REXO1: variants seen among roughly 807,000 people sequenced by gnomAD.
The protein encoded by REXO1 is REX1, RNA exonuclease 1 homolog.
REXO1 carries 42 observed loss-of-function variants against 102.6 expected under a neutral mutation model. The observed-to-expected ratio is 0.41, with a 90% CI of 0.32 to 0.53. The LOEUF (loss-of-function observed/expected upper bound fraction) is 0.53. Ranked by LOEUF, REXO1 falls within the 20% of genes least tolerant of loss-of-function variation. The pLI, the probability that REXO1 is intolerant of heterozygous loss-of-function variation, is 0.27. For synonymous variants in REXO1, 908 were observed against 779.1 expected, an observed-to-expected ratio of 1.17 and a Z score of -2.76; for missense variants, 1,819 against 1,732.5, an observed-to-expected ratio of 1.05 and a Z score of -0.89.
chr19:1,823,034 G>A lies in REXO1; in HGVS notation c.2230+538C>T, dbSNP rs149566385. ...CTACAGACACCACTGATGTGAAGAC[G>A]CAGGAGACAGGACAACCCCCCGTGA... is the stretch of plus-strand genomic sequence containing the variant. On this transcript the variant is annotated intron_variant, in intron 4 of 15. Coordinates refer to ENST00000170168, the MANE Select transcript of REXO1 (RefSeq NM_020695.4). 444 of 153,208 alleles carry A rather than the reference G, an allele frequency of 2.9e-3. 2 individuals carry two copies. Among genetic ancestry groups the A allele is most frequent in the Non-Finnish European group, 4.1e-3 (280 of 68,748 alleles). The allele number at this position is 153,208 out of a possible 1,614,324, so 9.5% of individuals were successfully genotyped here.
rs952093097 is a variant in REXO1, at chr19:1,828,042, G to A, written c.747C>T (p.Ser249=). ...GCTTGGCGGCCCGCTCATCCCGGGA[G>A]CTGGCCCTGCTGAGGTGCCGGGCCG... ...NYSARHLSRA[S]SRDERAAKRP... is the part of the protein sequence containing the mutation. The change falls in exon 2 of 16, where the codon AGC becomes AGT. Residue 249 remains serine, a synonymous_variant. Coordinates refer to ENST00000170168, the MANE Select transcript of REXO1 (RefSeq NM_020695.4). 2 of 1,612,818 alleles carry A rather than the reference G, an allele frequency of 1.2e-6. No homozygotes were observed. The highest frequency in any genetic ancestry group is 2.7e-5 in the African/African-American group (2 of 74,918).
Position 1,815,577 on chromosome 19 carries a change from A to G in REXO1, c.*489T>C. ...GTCCCACCCCCACCCCGCAGGAGGG[A>G]AGGCAGCAGGCCCGCTCTTCCCGGT... On this transcript the variant is annotated 3_prime_UTR_variant, in exon 16 of 16. Transcript: ENST00000170168. The surrounding 1 kb of genome is among the most constrained non-coding windows in gnomAD (Gnocchi z 4.0). 4.8e-6 allele frequency: 3 copies of G among 630,234 alleles called. No homozygotes were observed. Among genetic ancestry groups the G allele is most frequent in the Non-Finnish European group, 6.6e-6 (3 of 451,792 alleles). 39.0% of individuals were successfully genotyped at this position (630,234 alleles called of 1,614,324 possible).
chr19:1,837,853 G>A (rs1323655882), intron 1 of REXO1, among the ~76,000 whole-genome samples: 2 of 152,210 alleles, frequency 1.3e-5, no homozygotes, highest in Non-Finnish European at 2.9e-5. Flanking sequence ...CCTGACCGGG[G>A]ACCACCAGCT....
At chr19:1,845,929 T>A (rs1019442150) in intron 1 of REXO1, among the ~76,000 whole-genome samples, 2 of 152,116 alleles carry the variant, frequency 1.3e-5, no homozygotes, top group African/African-American at 4.8e-5. Context: ...CAGGTGGTAG[T>A]ATGGGCAAAA....
chr19:1,821,071 G>A (rs1342942721), intron 5 of REXO1, among the ~76,000 whole-genome samples: 1 of 147,202 alleles, frequency 6.8e-6, no homozygotes, highest in Non-Finnish European at 1.5e-5. Flanking sequence ...AGGGCGGTCG[G>A]GCATGGTGGC....
chr19:1,825,866 G>A lies in REXO1; in HGVS notation c.1989C>T (p.Ile663=). 6.2e-7 allele frequency: 1 copy of A among 1,613,170 alleles called. No homozygotes were observed. The highest frequency in any genetic ancestry group is 8.5e-7 in the Non-Finnish European group (1 of 1,179,676). ...CCTGGCCTTGCTTGGAAAGGTGGGA[G>A]ATCCTCCTCTTCTGCCCGGGGAACA... ...TTLFPGQKRR[I]SHLSKQGQEV... The change falls in exon 3 of 16, where the codon ATC becomes ATT. Residue 663 remains isoleucine (I), a synonymous_variant. Transcript: ENST00000170168.
chr19:1,824,491 T>C (rs1448940747), intron 3 of REXO1: 2 of 152,230 alleles, frequency 1.3e-5, no homozygotes, highest in African/African-American at 4.8e-5. Flanking sequence ...TGACGAAACT[T>C]GCATGGCTTT....
At chr19:1,818,129 T>C (rs940351715) in intron 10 of REXO1, among the ~76,000 whole-genome samples, 2 of 152,026 alleles carry the variant, frequency 1.3e-5, no homozygotes, top group African/African-American at 2.4e-5. Flanking sequence ...GCCTGGGGGA[T>C]TGAATAGAAC....
At chr19:1,820,786 A>G (rs2145245096) in intron 5 of REXO1, among the ~76,000 whole-genome samples, 1 of 151,884 alleles carries the variant, frequency 6.6e-6, no homozygotes, top group South Asian at 2.1e-4. Context: ...TGAGGACAAG[A>G]GTTCAAGATC....
At chr19:1,840,886 G>A (rs978930570) in intron 1 of REXO1, among the ~76,000 whole-genome samples, 1 of 152,174 alleles carries the variant, frequency 6.6e-6, no homozygotes, top group Non-Finnish European at 1.5e-5. Context: ...TGTGGTGTGT[G>A]TGTCCAGGCT....
chr19:1,847,034 G>C (rs2011572866), intron 1 of REXO1, among the ~76,000 whole-genome samples: 1 of 152,158 alleles, frequency 6.6e-6, no homozygotes, highest in South Asian at 2.1e-4. Context: ...CTATGCTACG[G>C]GATCTGTAGG....
chr19:1,847,295 C>T (rs769569000), intron 1 of REXO1, among the ~76,000 whole-genome samples: 1 of 152,236 alleles, frequency 6.6e-6, no homozygotes, highest in Non-Finnish European at 1.5e-5. Context: ...GAAGATGTTT[C>T]TCTTTTGCAG....
chr19:1,819,645 C>T (rs1328675198), intron 7 of REXO1, among the ~76,000 whole-genome samples: 1 of 152,198 alleles, frequency 6.6e-6, no homozygotes, highest in Non-Finnish European at 1.5e-5. Flanking sequence ...CCCTGGGCCT[C>T]CTGCTTTGAA....
intron 7 of REXO1, 142 bp downstream of exon 7, chr19:1,819,790 GGC>G: frequency 1.1e-6 from 1 of 902,142 alleles, no homozygotes; most frequent in Non-Finnish European, 1.6e-6. Flanking sequence ...CCAGGCAGCA[GGC>G]AGCCCCCCCA....
Position 1,821,670 on chromosome 19 carries a change from G to A in REXO1, c.2243C>T (p.Ala748Val), listed in dbSNP as rs144776423. 6.2e-7 allele frequency: 1 copy of A among 1,612,172 alleles called. No individual in the cohort carries two copies. Among genetic ancestry groups the A allele is most frequent in the East Asian group, 2.2e-5 (1 of 44,844 alleles). ...GCCGCTGGCCGCAAGGGTCCTCTTG[G>A]CACCTGTGGGGGCTGGCGGGGCACA... ...NPRLAAAPTG[A>V]KRTLAASGSQ... The change falls in exon 5 of 16, where the codon GCC (alanine) becomes GTC (valine). Residue 748 changes from alanine (A) to valine (V), a missense_variant. By Grantham distance (64) the Ala-to-Val change is moderately conservative. Transcript: ENST00000170168.
chr19:1,816,652 G>C, intron 13 of REXO1, 46 bp downstream of exon 13: 1 of 1,601,660 alleles, frequency 6.2e-7, no homozygotes, highest in Non-Finnish European at 8.5e-7. Context: ...TCCCTGGGGA[G>C]AGGCGGCTGG....
chr19:1,836,544 G>A (rs1296568683), intron 1 of REXO1, among the ~76,000 whole-genome samples: 3 of 151,954 alleles, frequency 2.0e-5, no homozygotes, highest in Non-Finnish European at 4.4e-5. Flanking sequence ...TCAGGAGTTC[G>A]AGACCAGCCT....
intron 1 of REXO1, among the ~76,000 whole-genome samples, chr19:1,830,246 C>T (rs991719040): frequency 2.0e-5 from 3 of 152,208 alleles, no homozygotes; most frequent in Admixed American, 6.5e-5. Flanking sequence ...CAGTGGCTCA[C>T]GCCGATCATC....
chr19:1,848,436 G>C lies in REXO1; in HGVS notation c.-78C>G. 9.4e-7 allele frequency: 1 copy of C among 1,064,546 alleles called. No individual in the cohort carries two copies. Among genetic ancestry groups the C allele is most frequent in the East Asian group, 5.8e-5 (1 of 17,388 alleles). The allele number at this position is 1,064,546 out of a possible 1,614,324, so 65.9% of individuals were successfully genotyped here. On this transcript the variant is annotated 5_prime_UTR_variant, in exon 1 of 16. Transcript: ENST00000170168. ...CCTCACTGGCGCCGCGGTCGCCGCCGCCCGCGCCTCACGGACCCCGCCGCC... is the reference window on the plus strand; with the variant it reads ...CCTCACTGGCGCCGCGGTCGCCGCCCCCCGCGCCTCACGGACCCCGCCGCC...
Sources: allele counts gnomAD v4.1 joint callset (sites outside exome capture counted in the v4.1 genomes callset), GRCh38; gene constraint gnomAD v4.1.1; non-coding constraint Gnocchi (gnomAD v3.1); transcripts MANE v1.5; gene names NCBI Gene and HGNC (gene_info 2026-07-23, HGNC 2026-07-21).